TMCO5A: variants seen among roughly 807,000 people sequenced by gnomAD.
TMCO5A encodes transmembrane and coiled-coil domains 5A.
Under a neutral mutation model 42.3 loss-of-function variants are expected in TMCO5A, and 34 were observed. The observed-to-expected ratio is 0.80, with a 90% CI of 0.61 to 1.07. The LOEUF is 1.07. TMCO5A is among the 50% of genes least tolerant of loss of function. The pLI is 0.00. For synonymous variants in TMCO5A, 131 were observed against 115.6 expected, an observed-to-expected ratio of 1.13 and a Z score of -0.86; for missense variants, 357 against 327.9, an observed-to-expected ratio of 1.09 and a Z score of -0.69.
chr15:37,976,193 T>G, the TMCO5A span, among the ~76,000 whole-genome samples: 2 of 151,140 alleles, frequency 1.3e-5, no homozygotes, highest in Non-Finnish European at 2.9e-5. Context: ...TGCAGTGAGC[T>G]GAGATTGTAC....
At chr15:38,018,633 T>C in the TMCO5A span, among the ~76,000 whole-genome samples, 1 of 151,776 alleles carries the variant, frequency 6.6e-6, no homozygotes, top group East Asian at 1.9e-4. Context: ...CCACATATAG[T>C]AACAGGAGAT....
chr15:37,936,190 A>G lies in TMCO5A; in HGVS notation c.-10-124A>G. 3.6e-6 allele frequency: 4 copies of G among 1,101,982 alleles called. No homozygotes were observed. The South Asian group carries it at 8.1e-5, about 22-fold the overall frequency. 68.3% of individuals were successfully genotyped at this position (1,101,982 alleles called of 1,614,324 possible). A position where few individuals can be genotyped will look rare whatever the true frequency, so the allele number is the denominator to read the frequency against. On this transcript the variant is annotated intron_variant, in intron 2 of 11. Coordinates refer to ENST00000319669, the MANE Select transcript of TMCO5A (RefSeq NM_152453.4). Reference sequence around the variant, plus strand: ...AGAAATGTAATTTTTCAAGAATGAAAATGGTATGCCCCCAGAGAGAGTAAG... The same window carrying G: ...AGAAATGTAATTTTTCAAGAATGAAGATGGTATGCCCCCAGAGAGAGTAAG...
At chr15:37,937,472 T>C in intron 5 of TMCO5A, 76 bp downstream of exon 5, 2 of 1,521,636 alleles carry the variant, frequency 1.3e-6, no homozygotes, top group Non-Finnish European at 1.8e-6. Flanking sequence ...TTGGGGGAAG[T>C]GATCATAGAG....
downstream of TMCO5A, among the ~76,000 whole-genome samples, chr15:37,972,191 G>A (rs1428662182): frequency 2.6e-5 from 4 of 152,160 alleles, no homozygotes; most frequent in Non-Finnish European, 4.4e-5. Context: ...GGCACATCTC[G>A]CATCGCAGCA....
chr15:37,966,667 C>G, exon 12 of TMCO5A: 1 of 702,868 alleles, frequency 1.4e-6, no homozygotes, highest in South Asian at 1.5e-5. Flanking sequence ...GCCAACAATC[C>G]AGATCTCGTA....
the TMCO5A span, among the ~76,000 whole-genome samples, chr15:38,029,104 G>A: frequency 2.5e-4 from 38 of 152,244 alleles, no homozygotes; most frequent in African/African-American, 8.7e-4. Context: ...AGATGAATCA[G>A]ACTAGCTTGG....
chr15:37,999,593 C>A, the TMCO5A span, among the ~76,000 whole-genome samples: 4 of 152,136 alleles, frequency 2.6e-5, no homozygotes, highest in African/African-American at 9.7e-5. Context: ...AAAGTGACAT[C>A]CTTGTCATGT....
chr15:38,003,808 T>C, the TMCO5A span, among the ~76,000 whole-genome samples: 5 of 151,840 alleles, frequency 3.3e-5, no homozygotes, highest in Non-Finnish European at 7.4e-5. Flanking sequence ...GGCTCCTCTG[T>C]GGCCCAGGAA....
intron 11 of TMCO5A, among the ~76,000 whole-genome samples, chr15:37,960,791 G>T (rs1053100970): frequency 2.6e-5 from 4 of 152,084 alleles, no homozygotes; most frequent in African/African-American, 9.7e-5. Context: ...GTGATACTGA[G>T]CATTTTTTCA....
intron 11 of TMCO5A, among the ~76,000 whole-genome samples, chr15:37,961,184 T>C (rs1007441698): frequency 6.6e-6 from 1 of 152,192 alleles, no homozygotes; most frequent in Non-Finnish European, 1.5e-5. Flanking sequence ...GTCTTAGATT[T>C]AAGTCCTTAA....
the TMCO5A span, among the ~76,000 whole-genome samples, chr15:38,022,055 C>T: frequency 6.6e-6 from 1 of 152,102 alleles, no homozygotes; most frequent in East Asian, 1.9e-4. Flanking sequence ...CATGATCTAC[C>T]CGTGTTGGCC....
exon 12 of TMCO5A, chr15:37,966,693 C>A: frequency 1.4e-6 from 1 of 702,794 alleles, no homozygotes; most frequent in Non-Finnish European, 2.6e-6. Context: ...AGATTGGCAA[C>A]CTTTGCAGAA....
rs189365838 is a variant in TMCO5A, at chr15:37,937,428, C to T, written c.315+32C>T. The stretch of plus-strand genomic sequence containing the variant: ...TAGGGTACTTGTGTTCTCCAGTGCC[C>T]CCACAACAGCCCCATTCATCAAAGG... On this transcript the variant is annotated intron_variant, in intron 5 of 11. Transcript: ENST00000319669. 148 of 1,610,322 alleles carry T rather than the reference C, an allele frequency of 9.2e-5. 3 individuals are homozygous for T. In the Admixed American group the frequency reaches 2.4e-3, roughly 26 times the overall value.
chr15:37,942,282 GT>G (rs1289406314), intron 9 of TMCO5A, 27 bp downstream of exon 9: 1 of 1,608,138 alleles, frequency 6.2e-7, no homozygotes, highest in Non-Finnish European at 8.5e-7. Flanking sequence ...GAACATCCTG[GT>G]TTTGGTAGAA....
At chr15:37,944,988 C>A (rs910093853) in intron 10 of TMCO5A, among the ~76,000 whole-genome samples, 2 of 152,016 alleles carry the variant, frequency 1.3e-5, no homozygotes, top group Non-Finnish European at 2.9e-5. Flanking sequence ...TTAAGCCCAG[C>A]ATCTACTAGC....
At chr15:37,958,892 G>A (rs1363028730) in intron 11 of TMCO5A, among the ~76,000 whole-genome samples, 2 of 152,084 alleles carry the variant, frequency 1.3e-5, no homozygotes, top group Admixed American at 1.3e-4. Context: ...ATGATACACT[G>A]GATAAAGAAA....
the TMCO5A span, among the ~76,000 whole-genome samples, chr15:38,014,379 C>T: frequency 6.6e-6 from 1 of 152,160 alleles, no homozygotes; most frequent in African/African-American, 2.4e-5. Flanking sequence ...ATTACAAACA[C>T]TTGATTTCCC....
chr15:37,989,648 G>T, the TMCO5A span, among the ~76,000 whole-genome samples: 1 of 151,892 alleles, frequency 6.6e-6, no homozygotes, highest in South Asian at 2.1e-4. Context: ...CTATAGTTAG[G>T]GAAGAGGATC....
chr15:38,031,120 A>T, the TMCO5A span, among the ~76,000 whole-genome samples: 2 of 152,200 alleles, frequency 1.3e-5, no homozygotes, highest in Non-Finnish European at 2.9e-5. Context: ...AAATGAAGTC[A>T]TGCCTCCATC....
Sources: allele counts gnomAD v4.1 joint callset (sites outside exome capture counted in the v4.1 genomes callset), GRCh38; gene constraint gnomAD v4.1.1; transcripts MANE v1.5; gene names NCBI Gene and HGNC (gene_info 2026-07-23, HGNC 2026-07-21).